STUM: variants seen among roughly 807,000 people sequenced by gnomAD.
STUM encodes stum, mechanosensory transduction mediator homolog.
STUM carries 8 observed loss-of-function variants against 15.3 expected under a neutral mutation model. The ratio of observed to expected loss-of-function variants is 0.52; its 90% confidence interval spans 0.31 to 0.94. STUM has a LOEUF of 0.94. Ranked by LOEUF, STUM falls within the 40% of genes least tolerant of loss-of-function variation. The pLI is 0.05. For synonymous variants in STUM, 78 were observed against 88.7 expected, an observed-to-expected ratio of 0.88 and a Z score of 0.68; for missense variants, 142 against 204.9, an observed-to-expected ratio of 0.69 and a Z score of 1.87.
In STUM at chr1:226,548,881, G is replaced by C; in HGVS notation, c.-24G>C. The C allele has an allele frequency of 7.5e-7, 1 of 1,340,618 alleles. No individual in the cohort carries two copies. The highest frequency in any genetic ancestry group is 9.5e-7 in the Non-Finnish European group (1 of 1,055,782). 83.0% of individuals were successfully genotyped at this position (1,340,618 alleles called of 1,614,324 possible). ...GGCGCCAGCTCCGGCCGTGCTGCCCGGCTGCCTGAGAGCGCGCCCGGCCAT... is the reference window on the plus strand; with the variant it reads ...GGCGCCAGCTCCGGCCGTGCTGCCCCGCTGCCTGAGAGCGCGCCCGGCCAT... On this transcript the variant is annotated 5_prime_UTR_variant, in exon 1 of 4. Coordinates refer to ENST00000366788, the MANE Select transcript of STUM (RefSeq NM_001003665.4).
In STUM at chr1:226,552,506, G is replaced by A. The variant is rs1322967780; in HGVS notation, c.202+3400G>A. 2.0e-5 allele frequency among the ~76,000 whole-genome samples: 3 copies of A among 152,144 alleles called. No individual in the cohort carries two copies. Among genetic ancestry groups the A allele is most frequent in the Non-Finnish European group, 4.4e-5 (3 of 68,028 alleles). On this transcript the variant is annotated intron_variant, in intron 1 of 3. Coordinates refer to ENST00000366788, the MANE Select transcript of STUM (RefSeq NM_001003665.4). This position sits in a 1 kb window ranked among gnomAD's most constrained non-coding sequence, Gnocchi z 4.7. ...CAGAGAGTTTGTCTAGTGGTCAGGG[G>A]TATAATTATACTTTTATATTTAAAA...
At chr1:226,573,416 G>C (rs1004434739) in intron 1 of STUM, among the ~76,000 whole-genome samples, 1 of 152,174 alleles carries the variant, frequency 6.6e-6, no homozygotes, top group Admixed American at 6.5e-5. Flanking sequence ...GGATTTATTG[G>C]TTCACAGAAC....
At chr1:226,575,800 C>T (rs991739791) in intron 1 of STUM, among the ~76,000 whole-genome samples, 1 of 152,212 alleles carries the variant, frequency 6.6e-6, no homozygotes, top group Admixed American at 6.5e-5. Context: ...GGCAACTGCA[C>T]GCCAATAGAT....
In STUM at chr1:226,600,143, A is replaced by G. The variant is rs571582586; in HGVS notation, c.383-523A>G. 6.7e-6 allele frequency among the ~76,000 whole-genome samples: 1 copy of G among 149,596 alleles called. No individual in the cohort carries two copies. The highest frequency in any genetic ancestry group is 2.5e-5 in the African/African-American group (1 of 40,794). ...TGGAGGAAGGCATGAGCTGAGGATG[A>G]AAAAAAAAAGGCTAGGTGCTGTGGC... On this transcript the variant is annotated intron_variant, in intron 2 of 3. Transcript: ENST00000366788. The surrounding 1 kb of genome is among the most constrained non-coding windows in gnomAD (Gnocchi z 5.2).
At chr1:226,553,699 C>T (rs1203800776) in intron 1 of STUM, among the ~76,000 whole-genome samples, 2 of 152,172 alleles carry the variant, frequency 1.3e-5, no homozygotes, top group African/African-American at 4.8e-5. Flanking sequence ...AGGCTCTAAG[C>T]GCATAGGGTC....
intron 1 of STUM, among the ~76,000 whole-genome samples, chr1:226,560,889 T>C (rs896358656): frequency 1.3e-5 from 2 of 152,224 alleles, no homozygotes; most frequent in Admixed American, 6.5e-5. Flanking sequence ...CAAGTTCACA[T>C]TCCACATTGG....
At chr1:226,556,590 A>G (rs1312407463) in intron 1 of STUM, among the ~76,000 whole-genome samples, 1 of 152,176 alleles carries the variant, frequency 6.6e-6, no homozygotes, top group African/African-American at 2.4e-5. Flanking sequence ...TGATGCCACA[A>G]AGCATCATGA....
In STUM at chr1:226,549,714, AG is replaced by A. The variant is rs1281183758; in HGVS notation, c.202+613del. ...TTCCGCCAGCACCCCGCAGGGCGCC[AG>A]GGGGATGGGGGATGATTTTATTAGT... On this transcript the variant is annotated intron_variant, in intron 1 of 3. Coordinates refer to ENST00000366788, the MANE Select transcript of STUM (RefSeq NM_001003665.4). The surrounding 1 kb of genome is among the most constrained non-coding windows in gnomAD (Gnocchi z 6.8). Among the ~76,000 whole-genome samples the A allele has an allele frequency of 6.6e-6, 1 of 152,152 alleles. No homozygotes were observed. Among genetic ancestry groups the A allele is most frequent in the Non-Finnish European group, 1.5e-5 (1 of 68,024 alleles).
At chr1:226,581,219 A>C (rs2102701720) in intron 1 of STUM, among the ~76,000 whole-genome samples, 1 of 152,370 alleles carries the variant, frequency 6.6e-6, no homozygotes, top group Non-Finnish European at 1.5e-5. Flanking sequence ...AGGCTGGGAC[A>C]TGCAGACTCT....
intron 1 of STUM, among the ~76,000 whole-genome samples, chr1:226,579,846 G>A (rs997262760): frequency 1.3e-5 from 2 of 152,006 alleles, no homozygotes; most frequent in African/African-American, 4.8e-5. Context: ...TGTTGCTTGG[G>A]CCTCAAGCAA....
intron 1 of STUM, among the ~76,000 whole-genome samples, chr1:226,580,928 C>T (rs1667908096): frequency 6.6e-6 from 1 of 152,194 alleles, no homozygotes; most frequent in Non-Finnish European, 1.5e-5. Flanking sequence ...AGCTATCAGG[C>T]TGTGCCAGGC....
In STUM at chr1:226,600,249, T is replaced by C. The variant is rs1349170494; in HGVS notation, c.383-417T>C. Among the ~76,000 whole-genome samples the C allele has an allele frequency of 1.3e-5, 2 of 152,134 alleles. No homozygotes were observed. Among genetic ancestry groups the C allele is most frequent in the Non-Finnish European group, 2.9e-5 (2 of 68,022 alleles). ...AGGAGTTTGAGGCTGCAGTGAGACA[T>C]GATCACACCACTATACTCTAGCTGG... On this transcript the variant is annotated intron_variant, in intron 2 of 3. Coordinates refer to ENST00000366788, the MANE Select transcript of STUM (RefSeq NM_001003665.4). This position sits in a 1 kb window ranked among gnomAD's most constrained non-coding sequence, Gnocchi z 5.2.
rs1041663427 is a variant in STUM, at chr1:226,565,538, A to T, written c.202+16432A>T. ...CACAGTCTTCCTCCTAGAAGCTCTG[A>T]AACAGCCAGTACATGGAGCCAGGGC... On this transcript the variant is annotated intron_variant, in intron 1 of 3. Coordinates refer to ENST00000366788, the MANE Select transcript of STUM (RefSeq NM_001003665.4). The surrounding 1 kb of genome is among the most constrained non-coding windows in gnomAD (Gnocchi z 4.4). Among the ~76,000 whole-genome samples the T allele has an allele frequency of 2.0e-5, 3 of 152,238 alleles. No individual in the cohort carries two copies. The highest frequency in any genetic ancestry group is 7.2e-5 in the African/African-American group (3 of 41,454).
intron 1 of STUM, among the ~76,000 whole-genome samples, chr1:226,588,774 C>T (rs1182751317): frequency 1.3e-5 from 2 of 152,236 alleles, no homozygotes; most frequent in African/African-American, 4.8e-5. Context: ...TGAACATAAT[C>T]TCCCATTTAG....
rs1668401164 is a variant in STUM, at chr1:226,608,747, ACGTCTAAT to A, written c.*6708_*6715del. On this transcript the variant is annotated 3_prime_UTR_variant, in exon 4 of 4. Transcript: ENST00000366788. This position sits in a 1 kb window ranked among gnomAD's most constrained non-coding sequence, Gnocchi z 4.0. The stretch of plus-strand genomic sequence containing the variant: ...TGACTGAAACCCTTCTTGGAAGAAA[ACGTCTAAT>A]GTCGGGGACGTAGGGACGCTTCCAG... The A allele has an allele frequency of 6.6e-6, 1 of 152,040 alleles. No individual in the cohort carries two copies. Among genetic ancestry groups the A allele is most frequent in the Non-Finnish European group, 1.5e-5 (1 of 68,004 alleles). The allele number at this position is 152,040 out of a possible 1,614,324, so 9.4% of individuals were successfully genotyped here.
rs78555672 is a variant in STUM at position 226,561,307 on chromosome 1, C to T, written c.202+12201C>T. Among the ~76,000 whole-genome samples the T allele has an allele frequency of 2.1e-3, 327 of 152,306 alleles. 2 individuals carry two copies. The highest frequency in any genetic ancestry group is 7.4e-3 in the African/African-American group (307 of 41,556). On this transcript the variant is annotated intron_variant, in intron 1 of 3. Transcript: ENST00000366788. ...TGAAGGTATGTTTGCATATTAACTA[C>T]TGGTAGGAAAGGTGGAATCAAGAGC...
intron 1 of STUM, among the ~76,000 whole-genome samples, chr1:226,591,958 C>T (rs1668093028): frequency 6.6e-6 from 1 of 151,994 alleles, no homozygotes; most frequent in African/African-American, 2.4e-5. Context: ...TCAGGGCCTT[C>T]CATAAATGAC....
At chr1:226,598,649 C>T (rs980220151) in intron 2 of STUM, among the ~76,000 whole-genome samples, 5 of 152,162 alleles carry the variant, frequency 3.3e-5, no homozygotes, top group Non-Finnish European at 2.9e-5. Flanking sequence ...TTTCCATTGC[C>T]CCAGGCTGTT....
intron 1 of STUM, among the ~76,000 whole-genome samples, chr1:226,585,984 G>A (rs564295240): frequency 1.4e-5 from 1 of 72,580 alleles, no homozygotes; most frequent in African/African-American, 8.3e-5. Context: ...CACATGGTGG[G>A]GAGGGAGAGA....
Sources: gnomAD v4.1 joint callset for allele counts (sites outside exome capture counted in the v4.1 genomes callset) on GRCh38, gnomAD v4.1.1 for gene constraint, Gnocchi (gnomAD v3.1) non-coding constraint, MANE v1.5 for transcripts, NCBI Gene and HGNC (gene_info 2026-07-23, HGNC 2026-07-21) for gene names.